Variants in CADPS observed in about 807,000 individuals in gnomAD.
The protein encoded by CADPS is calcium-dependent secretion activator 1.
Under a neutral mutation model 167.3 loss-of-function variants are expected in CADPS, and 57 were observed. That is an observed-to-expected ratio of 0.34 (90% CI 0.28 to 0.42). The LOEUF is 0.42. Among genes scored for constraint, CADPS ranks in the 20% least tolerant of loss-of-function variants. The pLI is 1.00. For synonymous variants in CADPS, 676 were observed against 635.3 expected (o/e 1.06, Z -0.96); for missense variants, 1,414 against 1,738.1 (o/e 0.81, Z 3.32).
At chr3:62,538,899 C>T (rs563578462) in intron 11 of CADPS, among the ~76,000 whole-genome samples, 1 of 152,292 alleles carries the variant, frequency 6.6e-6, no homozygotes, top group South Asian at 2.1e-4. Flanking sequence ...TTCAGACCCA[C>T]TCCCCACCCC....
chr3:62,816,326 G>A (rs1448736114), intron 1 of CADPS, among the ~76,000 whole-genome samples: 1 of 152,058 alleles, frequency 6.6e-6, no homozygotes, highest in Non-Finnish European at 1.5e-5. Flanking sequence ...GGGCTTAGAG[G>A]TTGTCTCTCA....
intron 2 of CADPS, among the ~76,000 whole-genome samples, chr3:62,756,057 C>CTTTTTTT (rs59705571): frequency 7.0e-6 from 1 of 142,072 alleles, no homozygotes; most frequent in South Asian, 2.3e-4. Context: ...TTTTCTTTTT[C>CTTTTTTT]TTTTTTTTTT....
In CADPS at chr3:62,649,488, T is replaced by A. The variant is rs556732740; in HGVS notation, c.1203+1359A>T. ...AGGGAACATTAATCCACTTCCTATT[T>A]CTGTAGATTTGCCTTTCGGACCTTT... On this transcript the variant is annotated intron_variant, in intron 5 of 29. Coordinates refer to ENST00000383710, the MANE Select transcript of CADPS (RefSeq NM_003716.4). 1.1e-4 allele frequency among the ~76,000 whole-genome samples: 17 copies of A among 151,052 alleles called. 1 individual carries two copies. The South Asian group carries it at 1.9e-3, about 17-fold the overall frequency.
chr3:62,575,014 T>C lies in CADPS; in HGVS notation c.1578-4076A>G, dbSNP rs191638970. ...TTCAGGAAGTGGGCAAGAAATTTTGTAGTTGTTTTAGTAATGACTAGCAAG... is the reference window on the plus strand; with the variant it reads ...TTCAGGAAGTGGGCAAGAAATTTTGCAGTTGTTTTAGTAATGACTAGCAAG... On this transcript the variant is annotated intron_variant, in intron 8 of 29. Transcript: ENST00000383710. Among the ~76,000 whole-genome samples, 239 of 152,324 alleles carry C rather than the reference T, an allele frequency of 1.6e-3. 3 individuals carry two copies. Among genetic ancestry groups the C allele is most frequent in the Non-Finnish European group, 3.7e-4 (25 of 68,030 alleles).
At position 62,712,227 on chromosome 3, in the gene CADPS, T is replaced by C. The variant is rs146910430; in HGVS notation, c.888+41214A>G. ...TTAAAGAAGACTACTAGAAGTGAAATTCTTGGGTCAAATGGTATTTTTTAA... is the reference window on the plus strand; with the variant it reads ...TTAAAGAAGACTACTAGAAGTGAAACTCTTGGGTCAAATGGTATTTTTTAA... On this transcript the variant is annotated intron_variant, in intron 3 of 29. Coordinates refer to ENST00000383710, the MANE Select transcript of CADPS (RefSeq NM_003716.4). 3.6e-3 allele frequency among the ~76,000 whole-genome samples: 544 copies of C among 152,298 alleles called. 1 individual carries two copies. The highest frequency in any genetic ancestry group is 0.01 in the African/African-American group (427 of 41,562).
At chr3:62,745,853 A>G (rs2081336126) in intron 3 of CADPS, among the ~76,000 whole-genome samples, 1 of 152,224 alleles carries the variant, frequency 6.6e-6, no homozygotes, top group Non-Finnish European at 1.5e-5. Flanking sequence ...TTGGCTGTAT[A>G]GTGGTGAACG....
intron 13 of CADPS, among the ~76,000 whole-genome samples, chr3:62,531,155 T>C (rs1441671345): frequency 1.3e-5 from 2 of 152,206 alleles, no homozygotes; most frequent in Non-Finnish European, 2.9e-5. Flanking sequence ...TTCATTATTT[T>C]ATAACACTTT....
intron 3 of CADPS, among the ~76,000 whole-genome samples, chr3:62,688,686 G>C (rs965995020): frequency 2.0e-5 from 3 of 151,970 alleles, no homozygotes; most frequent in African/African-American, 7.3e-5. Context: ...ATCATCTCTT[G>C]TTGCCAAAGT....
At chr3:62,687,230 T>C in intron 3 of CADPS, among the ~76,000 whole-genome samples, 1 of 152,128 alleles carries the variant, frequency 6.6e-6, no homozygotes, top group East Asian at 1.9e-4. Flanking sequence ...GGAGGGCTGA[T>C]GTCACTCAGC....
At chr3:62,873,641 A>C (rs1455608527) in intron 1 of CADPS, among the ~76,000 whole-genome samples, 3 of 140,970 alleles carry the variant, frequency 2.1e-5, no homozygotes, top group African/African-American at 8.2e-5. Flanking sequence ...TTTTAACATC[A>C]AAGGCAGCCC....
chr3:62,840,625 A>C (rs193113209), intron 1 of CADPS, among the ~76,000 whole-genome samples: 1 of 152,140 alleles, frequency 6.6e-6, no homozygotes, highest in African/African-American at 2.4e-5. Flanking sequence ...GCAAACTTTC[A>C]TATGTACAGA....
At chr3:62,485,971 G>A (rs2062750980) in intron 21 of CADPS, among the ~76,000 whole-genome samples, 1 of 152,090 alleles carries the variant, frequency 6.6e-6, no homozygotes, top group Admixed American at 6.5e-5. Context: ...AGAATCATGA[G>A]ATCTGACACC....
intron 3 of CADPS, among the ~76,000 whole-genome samples, chr3:62,703,235 T>C (rs73840913): frequency 0.067 from 10,209 of 152,210 alleles, 417 homozygotes; most frequent in Middle Eastern, 0.095. Context: ...TCTATGAACA[T>C]TTACTTGAGA....
chr3:62,741,072 C>G (rs190445692), intron 3 of CADPS, among the ~76,000 whole-genome samples: 10 of 152,208 alleles, frequency 6.6e-5, no homozygotes, highest in Admixed American at 3.3e-4. Context: ...GAGAACCAGC[C>G]CACCCTATAC....
intron 3 of CADPS, among the ~76,000 whole-genome samples, chr3:62,726,129 GTAGA>G (rs1455311977): frequency 6.6e-6 from 1 of 151,804 alleles, no homozygotes; most frequent in Non-Finnish European, 1.5e-5. Context: ...GAGGAACACA[GTAGA>G]TATTTTTGAA....
In CADPS at chr3:62,412,633, A is replaced by G. The variant is rs1177759359; in HGVS notation, c.3778-9448T>C. On this transcript the variant is annotated intron_variant, in intron 28 of 29. Coordinates refer to ENST00000383710, the MANE Select transcript of CADPS (RefSeq NM_003716.4). This position sits in a 1 kb window ranked among gnomAD's most constrained non-coding sequence, Gnocchi z 4.1. ...GTGTAATAAGTAATTCTTTAGCATC[A>G]AAATTTCTAACGAATGATTAAAGGG... Among the ~76,000 whole-genome samples, 2 of 152,168 alleles carry G rather than the reference A, an allele frequency of 1.3e-5. No individual in the cohort carries two copies. Among genetic ancestry groups the G allele is most frequent in the African/African-American group, 4.8e-5 (2 of 41,442 alleles).
intron 3 of CADPS, among the ~76,000 whole-genome samples, chr3:62,712,954 C>T (rs2083700624): frequency 6.6e-6 from 1 of 152,174 alleles, no homozygotes; most frequent in African/African-American, 2.4e-5. Flanking sequence ...GAGCCAGCCT[C>T]AAACCTGGCC....
At chr3:62,559,796 A>AT (rs1039026194) in intron 9 of CADPS, among the ~76,000 whole-genome samples, 13 of 150,970 alleles carry the variant, frequency 8.6e-5, no homozygotes, top group Admixed American at 2.0e-4. Flanking sequence ...GCCCAGCCGG[A>AT]TTTTTTTTTA....
chr3:62,872,029 G>A (rs2082720901), intron 1 of CADPS, among the ~76,000 whole-genome samples: 1 of 152,082 alleles, frequency 6.6e-6, no homozygotes, highest in African/African-American at 2.4e-5. Context: ...TGTACAATAT[G>A]GTCTTTTCTC....
Sources: gnomAD v4.1 joint callset for allele counts (sites outside exome capture counted in the v4.1 genomes callset) on GRCh38, gnomAD v4.1.1 for gene constraint, Gnocchi (gnomAD v3.1) non-coding constraint, MANE v1.5 for transcripts, NCBI Gene and HGNC (gene_info 2026-07-23, HGNC 2026-07-21) for gene names.